GNB1L: variants seen among roughly 807,000 people sequenced by gnomAD.
The protein encoded by GNB1L is guanine nucleotide-binding protein subunit beta-like protein 1.
In GNB1L, 20 loss-of-function variants were observed where a neutral mutation model predicts 29.1. The ratio of observed to expected loss-of-function variants is 0.69; its 90% CI spans 0.48 to 1.00. The LOEUF is 1.00. GNB1L is among the 50% of genes least tolerant of loss of function. The probability of loss-of-function intolerance (pLI) is 0.00; values close to 1 mark genes in which losing one functional copy is unlikely to be tolerated. For synonymous variants in GNB1L, 193 were observed against 206.5 expected, an observed-to-expected ratio of 0.93 and a Z score of 0.56; for missense variants, 421 against 464.9, an observed-to-expected ratio of 0.91 and a Z score of 0.87.
intron 2 of GNB1L, chr22:19,852,042 C>G (rs141688112): frequency 6.3e-5 from 102 of 1,614,076 alleles, no homozygotes; most frequent in Admixed American, 6.7e-5. Context: ...GCAGGTTTAC[C>G]GCCACAAGTG....
Position 19,788,703 on chromosome 22 carries a change from G to A in GNB1L, c.*6C>T, listed in dbSNP as rs1212350713. On this transcript the variant is annotated 3_prime_UTR_variant, in exon 8 of 8. Transcript: ENST00000329517. The stretch of plus-strand genomic sequence containing the variant: ...CTCCTCGTCTCCCGGGAAGGGAGTG[G>A]GTGAGTCATGCGCGTGGGTAGAGTG... The A allele has an allele frequency of 1.2e-6, 2 of 1,611,508 alleles. No individual in the cohort carries two copies. Among genetic ancestry groups the A allele is most frequent in the Non-Finnish European group, 1.7e-6 (2 of 1,178,940 alleles).
At chr22:19,835,954 C>A (rs1229583508) in intron 2 of GNB1L, among the ~76,000 whole-genome samples, 1 of 151,962 alleles carries the variant, frequency 6.6e-6, no homozygotes, top group East Asian at 1.9e-4. Flanking sequence ...CTTACATCGA[C>A]AAGAAGAAAG....
chr22:19,815,304 G>A (rs139665059), intron 4 of GNB1L, among the ~76,000 whole-genome samples: 259 of 152,294 alleles, frequency 1.7e-3, no homozygotes, highest in African/African-American at 6.0e-3. Flanking sequence ...TGGGCAACTC[G>A]GTCCCGTCCA....
At chr22:19,795,852 G>A (rs1367893792) in intron 7 of GNB1L, among the ~76,000 whole-genome samples, 4 of 152,228 alleles carry the variant, frequency 2.6e-5, no homozygotes, top group East Asian at 3.9e-4. Flanking sequence ...ATCCAGGCCC[G>A]TGCATCAGAG....
chr22:19,808,676 G>A (rs771950391), intron 5 of GNB1L, among the ~76,000 whole-genome samples: 11 of 152,352 alleles, frequency 7.2e-5, no homozygotes, highest in Non-Finnish European at 1.3e-4. Context: ...AAGCTGGGGC[G>A]GGCTTAGCCG....
In GNB1L at chr22:19,812,415, T is replaced by C; in HGVS notation, c.287A>G (p.Asp96Gly). The C allele has an allele frequency of 6.2e-7, 1 of 1,613,152 alleles. No homozygotes were observed. Among genetic ancestry groups the C allele is most frequent in the Non-Finnish European group, 8.5e-7 (1 of 1,179,802 alleles). Residue 96 changes from aspartate to glycine, a missense_variant, in exon 5 of 8, where the codon GAC becomes GGC. Coordinates refer to ENST00000329517, the MANE Select transcript of GNB1L (RefSeq NM_053004.3). Reference protein sequence around the residue: ...QGRDLKLCLWDLAEGRSAVVD... With the variant: ...QGRDLKLCLWGLAEGRSAVVD... ...GACAGCGCTCCTGCCCTCCGCGAGGTCCCACAGGCACAGCTTCAGGTCCCG... is the reference window on the plus strand; with the variant it reads ...GACAGCGCTCCTGCCCTCCGCGAGGCCCCACAGGCACAGCTTCAGGTCCCG...
At position 19,808,633 on chromosome 22, in the gene GNB1L, G is replaced by A. The variant is rs574213883; in HGVS notation, c.418-1876C>T. Among the ~76,000 whole-genome samples the A allele has an allele frequency of 1.5e-3, 223 of 152,360 alleles. 2 individuals carry two copies. The highest frequency in any genetic ancestry group is 1.9e-3 in the Non-Finnish European group (132 of 68,040). Reference sequence around the variant, plus strand: ...AAAAACCAAGACGAGGTGCCACTGAGCCTGGCACAGAAGAACGTGGAGAAC... The same window carrying A: ...AAAAACCAAGACGAGGTGCCACTGAACCTGGCACAGAAGAACGTGGAGAAC... On this transcript the variant is annotated intron_variant, in intron 5 of 7. Coordinates refer to ENST00000329517, the MANE Select transcript of GNB1L (RefSeq NM_053004.3).
At chr22:19,833,535 A>G (rs1311723561) in intron 2 of GNB1L, among the ~76,000 whole-genome samples, 1 of 152,110 alleles carries the variant, frequency 6.6e-6, no homozygotes, top group Non-Finnish European at 1.5e-5. Context: ...ACCGTACTCC[A>G]GCCTAGGCAA....
chr22:19,828,229 A>T (rs543903218), intron 2 of GNB1L, among the ~76,000 whole-genome samples: 1 of 152,254 alleles, frequency 6.6e-6, no homozygotes, highest in South Asian at 2.1e-4. Flanking sequence ...AAAAAGGTAT[A>T]TGGGGCAAAC....
intron 4 of GNB1L, among the ~76,000 whole-genome samples, chr22:19,815,711 A>G (rs1457281920): frequency 6.6e-6 from 1 of 152,092 alleles, no homozygotes; most frequent in Non-Finnish European, 1.5e-5. Context: ...CCTCCCAAGT[A>G]GCTGGGACTA....
chr22:19,849,464 G>A (rs766972054), intron 2 of GNB1L: 10 of 316,618 alleles, frequency 3.2e-5, no homozygotes, highest in Admixed American at 1.3e-4. Flanking sequence ...TGCCTCCTGG[G>A]TTCAAGCAAT....
At chr22:19,789,034 C>T (rs1054096784) in intron 7 of GNB1L, 74 bp from the exon 8 acceptor site, 22 of 1,471,458 alleles carry the variant, frequency 1.5e-5, no homozygotes, top group Admixed American at 3.8e-5. Context: ...GCCCCACCTG[C>T]AGCTGGAACC....
intron 6 of GNB1L, among the ~76,000 whole-genome samples, chr22:19,803,106 T>C (rs2145868666): frequency 6.6e-6 from 1 of 152,266 alleles, no homozygotes; most frequent in East Asian, 1.9e-4. Flanking sequence ...AGGCTGGTGA[T>C]GGGAACCGGG....
intron 2 of GNB1L, chr22:19,850,052 C>T (rs3747066): frequency 0.32 from 317,424 of 985,484 alleles, 52,952 homozygotes; most frequent in East Asian, 0.35. Context: ...CAGTTCTCTA[C>T]CTGCAGAGCC....
intron 7 of GNB1L, 116 bp downstream of exon 7, chr22:19,801,885 G>T: frequency 2.2e-6 from 2 of 898,748 alleles, no homozygotes; most frequent in Non-Finnish European, 3.3e-6. Context: ...CCGCCTCCAA[G>T]TGATTAATTA....
chr22:19,793,837 T>G (rs1036610231), intron 7 of GNB1L, among the ~76,000 whole-genome samples: 1 of 152,132 alleles, frequency 6.6e-6, no homozygotes, highest in African/African-American at 2.4e-5. Context: ...ATTTTTTAGA[T>G]AAACAAAAGC....
chr22:19,806,512 G>A (rs1937436167), intron 6 of GNB1L, 147 bp downstream of exon 6: 1 of 605,608 alleles, frequency 1.7e-6, no homozygotes. Context: ...GGGCCGTGGG[G>A]ACACTGAGGC....
chr22:19,839,067 G>A (rs1937813653), intron 2 of GNB1L, among the ~76,000 whole-genome samples: 3 of 152,150 alleles, frequency 2.0e-5, no homozygotes, highest in African/African-American at 7.2e-5. Context: ...CTATTTATAT[G>A]GCATCCTGGA....
At chr22:19,825,995 A>G (rs1161432193) in intron 2 of GNB1L, among the ~76,000 whole-genome samples, 1 of 152,196 alleles carries the variant, frequency 6.6e-6, no homozygotes, top group Non-Finnish European at 1.5e-5. Flanking sequence ...TATTAAACGC[A>G]TCACTAAGTT....
Sources: gnomAD v4.1 joint callset for allele counts (sites outside exome capture counted in the v4.1 genomes callset) on GRCh38, gnomAD v4.1.1 for gene constraint, MANE v1.5 for transcripts, NCBI Gene and HGNC (gene_info 2026-07-23, HGNC 2026-07-21) for gene names.